PTPRJ: variants seen among roughly 807,000 people sequenced by gnomAD.
The protein encoded by PTPRJ is protein tyrosine phosphatase receptor type J, also known as receptor-type tyrosine-protein phosphatase eta.
A neutral mutation model predicts 141.3 loss-of-function variants in PTPRJ; 129 were observed. The observed-to-expected ratio is 0.91, with a 90% CI of 0.79 to 1.06. The LOEUF is 1.06. PTPRJ is among the 50% of genes least tolerant of loss of function. PTPRJ has a pLI of 0.00. For synonymous variants in PTPRJ, 610 were observed against 640.5 expected, an observed-to-expected ratio of 0.95 and a Z score of 0.72; for missense variants, 1,601 against 1,679.7, an observed-to-expected ratio of 0.95 and a Z score of 0.82.
At chr11:48,144,589 C>T in intron 12 of PTPRJ, 86 bp from the exon 13 acceptor site, 2 of 1,087,006 alleles carry the variant, frequency 1.8e-6, no homozygotes, top group East Asian at 2.5e-5. Context: ...CACTATCACC[C>T]AACATCACCA....
At chr11:48,117,034 G>A (rs1318724741) in intron 3 of PTPRJ, among the ~76,000 whole-genome samples, 1 of 152,108 alleles carries the variant, frequency 6.6e-6, no homozygotes, top group Admixed American at 6.6e-5. Context: ...CCCCAGCAGG[G>A]GTCATGCTGA....
Position 48,143,015 on chromosome 11 carries a change from T to A in PTPRJ, c.2540T>A (p.Ile847Asn). The A allele has an allele frequency of 6.2e-7, 1 of 1,614,164 alleles. No homozygotes were observed. ...GGATTTGAAGCCAGCCACGGACCCA[T>A]CAAAGCCTATGCTGTCATTCTCACC... ...FSGFEASHGP[I>N]KAYAVILTTG... is the part of the protein sequence containing the mutation. The change falls in exon 12 of 25, where the codon ATC becomes AAC. Residue 847 changes from isoleucine to asparagine, a missense_variant. Ile to Asn is a moderately radical substitution (Grantham distance 149). Coordinates refer to ENST00000418331, the MANE Select transcript of PTPRJ (RefSeq NM_002843.4).
At chr11:48,012,787 A>G (rs1854839975) in intron 1 of PTPRJ, among the ~76,000 whole-genome samples, 1 of 152,304 alleles carries the variant, frequency 6.6e-6, no homozygotes, top group South Asian at 2.1e-4. Context: ...ATTCACATAC[A>G]GTAAAATTCA....
At chr11:47,999,087 T>A (rs1011767755) in intron 1 of PTPRJ, among the ~76,000 whole-genome samples, 1 of 152,198 alleles carries the variant, frequency 6.6e-6, no homozygotes, top group African/African-American at 2.4e-5. Context: ...GACATTAGGC[T>A]AGGAAAGACA....
chr11:48,039,744 G>A (rs1402512474), intron 1 of PTPRJ, among the ~76,000 whole-genome samples: 1 of 151,300 alleles, frequency 6.6e-6, no homozygotes, highest in Admixed American at 6.6e-5. Context: ...CCACTGTTAA[G>A]TTTGACAGTA....
intron 22 of PTPRJ, among the ~76,000 whole-genome samples, chr11:48,160,462 C>T (rs1374916987): frequency 2.0e-5 from 3 of 152,326 alleles, no homozygotes; most frequent in Middle Eastern, 3.4e-3. Flanking sequence ...AATAGGATTC[C>T]AGGGCATATG....
intron 1 of PTPRJ, among the ~76,000 whole-genome samples, chr11:48,065,403 C>G (rs546913439): frequency 6.6e-6 from 1 of 152,078 alleles, no homozygotes; most frequent in Non-Finnish European, 1.5e-5. Context: ...GACCCCATGC[C>G]GAAATCTGCC....
At chr11:48,060,399 C>T (rs1854885655) in intron 1 of PTPRJ, among the ~76,000 whole-genome samples, 1 of 151,946 alleles carries the variant, frequency 6.6e-6, no homozygotes, top group Admixed American at 6.6e-5. Flanking sequence ...GTTTCTATAA[C>T]TTATAGAAAC....
At chr11:48,081,792 CTTCT>C in intron 1 of PTPRJ, among the ~76,000 whole-genome samples, 1 of 152,144 alleles carries the variant, frequency 6.6e-6, no homozygotes, top group South Asian at 2.1e-4. Flanking sequence ...CATCATAAAG[CTTCT>C]TTCTTCTCCT....
intron 18 of PTPRJ, among the ~76,000 whole-genome samples, chr11:48,151,946 C>G (rs1330361341): frequency 1.3e-5 from 2 of 152,176 alleles, no homozygotes; most frequent in African/African-American, 4.8e-5. Flanking sequence ...ATTTATAATC[C>G]TTTGGGTATA....
chr11:48,045,899 A>G (rs573069600), intron 1 of PTPRJ, among the ~76,000 whole-genome samples: 1 of 152,288 alleles, frequency 6.6e-6, no homozygotes, highest in Admixed American at 6.5e-5. Flanking sequence ...GTGTTCAACC[A>G]TTAGTTGAAC....
At chr11:47,992,748 T>C (rs956505823) in intron 1 of PTPRJ, among the ~76,000 whole-genome samples, 4 of 152,146 alleles carry the variant, frequency 2.6e-5, no homozygotes, top group Non-Finnish European at 5.9e-5. Flanking sequence ...ATGACCTGCA[T>C]TAAAAAAATG....
At chr11:48,086,181 A>C (rs1855702831) in intron 1 of PTPRJ, among the ~76,000 whole-genome samples, 1 of 152,186 alleles carries the variant, frequency 6.6e-6, no homozygotes, top group Non-Finnish European at 1.5e-5. Flanking sequence ...TATATTTAAA[A>C]AAAATTTTTT....
chr11:48,151,036 C>T (rs974274103), intron 18 of PTPRJ, among the ~76,000 whole-genome samples: 1 of 152,170 alleles, frequency 6.6e-6, no homozygotes, highest in African/African-American at 2.4e-5. Context: ...GTGTACAGTA[C>T]ACCTCTCCTC....
At chr11:48,003,741 C>A (rs957063964) in intron 1 of PTPRJ, among the ~76,000 whole-genome samples, 1 of 152,090 alleles carries the variant, frequency 6.6e-6, no homozygotes, top group African/African-American at 2.4e-5. Context: ...GATGATCCAC[C>A]CACCTTGGCT....
At chr11:48,144,958 A>G (rs757305914) in intron 13 of PTPRJ, 42 bp from the exon 14 acceptor site, 4 of 1,614,026 alleles carry the variant, frequency 2.5e-6, no homozygotes, top group Non-Finnish European at 3.4e-6. Flanking sequence ...CTGCGGTCAG[A>G]CACGTCTCAG....
chr11:48,008,675 C>A (rs1590400060), intron 1 of PTPRJ, among the ~76,000 whole-genome samples: 1 of 152,034 alleles, frequency 6.6e-6, no homozygotes, highest in African/African-American at 2.4e-5. Context: ...AGCGATTCTC[C>A]TGCCTCAGTC....
intron 3 of PTPRJ, among the ~76,000 whole-genome samples, chr11:48,118,884 A>G (rs1856632089): frequency 6.6e-6 from 1 of 151,966 alleles, no homozygotes; most frequent in Non-Finnish European, 1.5e-5. Context: ...GCTGGGCATG[A>G]TGGTGTGTGC....
intron 1 of PTPRJ, among the ~76,000 whole-genome samples, chr11:47,983,254 C>A (rs1853960746): frequency 6.6e-6 from 1 of 151,940 alleles, no homozygotes. Flanking sequence ...TGTGTCTTCT[C>A]AAAATGGTGG....
Sources: allele counts gnomAD v4.1 joint callset (sites outside exome capture counted in the v4.1 genomes callset), GRCh38; gene constraint gnomAD v4.1.1; transcripts MANE v1.5; gene names NCBI Gene and HGNC (gene_info 2026-07-23, HGNC 2026-07-21).